Variants in OPCML observed in about 807,000 individuals in gnomAD.
OPCML encodes opioid binding protein/cell adhesion molecule like, also known as opioid-binding protein/cell adhesion molecule.
A neutral mutation model predicts 37.8 loss-of-function variants in OPCML; 13 were observed. That is an observed-to-expected ratio of 0.34 (90% CI 0.22 to 0.55). The LOEUF (loss-of-function observed/expected upper bound fraction) is 0.55, where lower values mean the gene tolerates loss of function less well. OPCML is among the 20% of genes least tolerant of loss of function. The pLI is 0.91. For synonymous variants in OPCML, 176 were observed against 168.8 expected (o/e 1.04, Z -0.33); for missense variants, 341 against 435.6 (o/e 0.78, Z 1.93).
At chr11:132,473,004 A>G (rs1303117142) in intron 4 of OPCML, among the ~76,000 whole-genome samples, 1 of 152,228 alleles carries the variant, frequency 6.6e-6, no homozygotes, top group Non-Finnish European at 1.5e-5. Flanking sequence ...ACTGCAAACT[A>G]GCGAGCCAGC....
rs1227205893 is a variant in OPCML at position 132,419,391 on chromosome 11, G to A, written c.*802C>T. The A allele has an allele frequency of 2.0e-5, 3 of 152,178 alleles. No individual in the cohort carries two copies. The highest frequency in any genetic ancestry group is 7.2e-5 in the African/African-American group (3 of 41,434). 9.4% of individuals were successfully genotyped at this position (152,178 alleles called of 1,614,324 possible). ...AACTGTACCATTACTTTGATAGATA[G>A]CTTGACAAAACCTAAATAAATCAGC... On this transcript the variant is annotated 3_prime_UTR_variant, in exon 8 of 8. Coordinates refer to ENST00000524381, the MANE Select transcript of OPCML (RefSeq NM_001012393.5).
In OPCML at chr11:133,477,866, G is replaced by A. The variant is rs140610825; in HGVS notation, c.61+54398C>T. ...GACAGTGATAACTTGAAATACTTAC[G>A]TAGGGGTAACCAAAGACGAGATTTT... On this transcript the variant is annotated intron_variant, in intron 1 of 7. Transcript: ENST00000524381. Among the ~76,000 whole-genome samples, 376 of 152,272 alleles carry A rather than the reference G, an allele frequency of 2.5e-3. 1 individual carries two copies. The highest frequency in any genetic ancestry group is 8.4e-3 in the African/African-American group (348 of 41,548).
At chr11:133,164,702 TAA>T (rs1950186335) in intron 1 of OPCML, among the ~76,000 whole-genome samples, 1 of 152,232 alleles carries the variant, frequency 6.6e-6, no homozygotes, top group African/African-American at 2.4e-5. Context: ...TATTCCTCAA[TAA>T]TTCCAGGTGT....
At chr11:133,260,469 G>T (rs771983777) in intron 1 of OPCML, among the ~76,000 whole-genome samples, 6 of 152,090 alleles carry the variant, frequency 3.9e-5, no homozygotes, top group Non-Finnish European at 8.8e-5. Flanking sequence ...TGATAAGGAC[G>T]TACAGTCCTC....
intron 1 of OPCML, among the ~76,000 whole-genome samples, chr11:133,490,876 C>T (rs938252232): frequency 6.6e-6 from 1 of 152,214 alleles, no homozygotes; most frequent in African/African-American, 2.4e-5. Context: ...CAACGTTATG[C>T]TGTTCCATAA....
At chr11:133,099,617 G>A (rs1050376865) in intron 1 of OPCML, among the ~76,000 whole-genome samples, 1 of 151,908 alleles carries the variant, frequency 6.6e-6, no homozygotes, top group Non-Finnish European at 1.5e-5. Flanking sequence ...TTCTGACCTG[G>A]TGTGAGATGG....
chr11:132,639,106 C>T (rs1565735261), intron 3 of OPCML, among the ~76,000 whole-genome samples: 1 of 152,172 alleles, frequency 6.6e-6, no homozygotes, highest in Non-Finnish European at 1.5e-5. Context: ...AAGATGTTGG[C>T]AACATGTCAT....
chr11:132,929,558 A>G (rs1203809749), intron 2 of OPCML, among the ~76,000 whole-genome samples: 6 of 152,202 alleles, frequency 3.9e-5, no homozygotes, highest in Non-Finnish European at 2.9e-5. Flanking sequence ...ATAAGCCAAT[A>G]TTATTTCGAT....
At chr11:133,229,074 C>T (rs917439918) in intron 1 of OPCML, among the ~76,000 whole-genome samples, 1 of 152,134 alleles carries the variant, frequency 6.6e-6, no homozygotes. Context: ...GCAGGCCCAG[C>T]ACAGAAGCAG....
intron 2 of OPCML, among the ~76,000 whole-genome samples, chr11:132,877,228 C>G (rs986456139): frequency 6.6e-6 from 1 of 152,102 alleles, no homozygotes; most frequent in Non-Finnish European, 1.5e-5. Context: ...TTGAACTGTT[C>G]AATTCTGAAA....
At chr11:133,335,915 G>A (rs534254110) in intron 1 of OPCML, among the ~76,000 whole-genome samples, 2 of 152,224 alleles carry the variant, frequency 1.3e-5, no homozygotes, top group East Asian at 1.9e-4. Context: ...AGTGATGGGA[G>A]TCCTGAAAGA....
intron 1 of OPCML, among the ~76,000 whole-genome samples, chr11:133,525,263 A>G (rs775219442): frequency 6.6e-6 from 1 of 152,202 alleles, no homozygotes; most frequent in Non-Finnish European, 1.5e-5. Flanking sequence ...GATGGAAAGG[A>G]TGTGTAGCCA....
chr11:133,225,083 A>T (rs981090656), intron 1 of OPCML, among the ~76,000 whole-genome samples: 1 of 152,212 alleles, frequency 6.6e-6, no homozygotes, highest in African/African-American at 2.4e-5. Flanking sequence ...AATGTGTATT[A>T]TTCTTGCTGT....
chr11:133,000,302 G>A lies in OPCML; in HGVS notation c.62-57292C>T, dbSNP rs189957543. On this transcript the variant is annotated intron_variant, in intron 1 of 7. Coordinates refer to ENST00000524381, the MANE Select transcript of OPCML (RefSeq NM_001012393.5). ...GAGTTTTTGTATTTTTAATAGAGAC[G>A]GGGTTTTTCCATGTTGGCCAGGCTG... 2.2e-4 allele frequency among the ~76,000 whole-genome samples: 33 copies of A among 152,110 alleles called. No individual in the cohort carries two copies. The East Asian group carries it at 3.1e-3, about 14-fold the overall frequency.
chr11:132,422,365 G>T (rs1203557549), intron 7 of OPCML, among the ~76,000 whole-genome samples: 1 of 152,210 alleles, frequency 6.6e-6, no homozygotes, highest in Non-Finnish European at 1.5e-5. Context: ...GGGGCTCAGA[G>T]AGAGAAGGAG....
intron 1 of OPCML, among the ~76,000 whole-genome samples, chr11:132,963,161 A>T (rs529192836): frequency 6.6e-6 from 1 of 152,260 alleles, no homozygotes; most frequent in East Asian, 1.9e-4. Context: ...AGGACCTGGA[A>T]AGGGCCTCCG....
chr11:133,392,309 T>G (rs1182434425), intron 1 of OPCML, among the ~76,000 whole-genome samples: 1 of 152,222 alleles, frequency 6.6e-6, no homozygotes, highest in Non-Finnish European at 1.5e-5. Context: ...ACTAATGAAC[T>G]TGCATCTTTC....
chr11:132,657,270 T>C lies in OPCML; in HGVS notation c.196A>G (p.Thr66Ala). The C allele has an allele frequency of 6.2e-7, 1 of 1,614,218 alleles. No individual in the cohort carries two copies. Among genetic ancestry groups the C allele is most frequent in the East Asian group, 2.2e-5 (1 of 44,880 alleles). The change falls in exon 3 of 8, where the codon ACC (threonine) becomes GCC (alanine). Residue 66 changes from threonine (T) to alanine (A), a missense_variant. Transcript: ENST00000524381. The stretch of plus-strand genomic sequence containing the variant: ...TTGTCATTCCCAGCGTAGAGGATGG[T>C]GCTGCGGTTTAGCCAGGCCACCCGG... ...VTRVAWLNRS[T>A]ILYAGNDKWS...
At chr11:132,894,884 T>TCC (rs1219627631) in intron 2 of OPCML, among the ~76,000 whole-genome samples, 1 of 152,164 alleles carries the variant, frequency 6.6e-6, no homozygotes, top group Non-Finnish European at 1.5e-5. Flanking sequence ...CATTCCAGGA[T>TCC]CCCCAGCATG....
Sources: gnomAD v4.1 joint callset for allele counts (sites outside exome capture counted in the v4.1 genomes callset) on GRCh38, gnomAD v4.1.1 for gene constraint, MANE v1.5 for transcripts, NCBI Gene and HGNC (gene_info 2026-07-23, HGNC 2026-07-21) for gene names.